The following ZFPM2 variants were observed in gnomAD, a reference collection of about 807,000 sequenced individuals.
ZFPM2 encodes the protein zinc finger protein, FOG family member 2, also known as zinc finger protein ZFPM2.
A neutral mutation model predicts 98.6 loss-of-function variants in ZFPM2; 20 were observed. The observed-to-expected ratio is 0.20, with a 90% CI of 0.14 to 0.29. The LOEUF is 0.29. Ranked by LOEUF, ZFPM2 falls within the 10% of genes least tolerant of loss-of-function variation. The probability of loss-of-function intolerance (pLI) is 1.00; values close to 1 mark genes in which losing one functional copy is unlikely to be tolerated. For missense variants in ZFPM2, 1,310 were observed against 1,388.6 expected (o/e 0.94, Z 0.90); for synonymous variants, 518 against 502.7 (o/e 1.03, Z -0.41).
chr8:105,646,939 A>G (rs944315471), intron 5 of ZFPM2, among the ~76,000 whole-genome samples: 3 of 152,122 alleles, frequency 2.0e-5, no homozygotes, highest in Non-Finnish European at 4.4e-5. Flanking sequence ...TTAAACCTCC[A>G]TCTCCTAACA....
chr8:105,387,700 GCCGGCTCCGGCCTCGGCCAGC>G (rs1811028495), intron 1 of ZFPM2: 2 of 157,146 alleles, frequency 1.3e-5, no homozygotes, highest in Admixed American at 6.5e-5. Flanking sequence ...AGCTGAGGGA[GCCGGCTCCGGCCTCGGCCAGC>G]CCAGGAAGGG....
chr8:105,478,137 T>C (rs1255876178), intron 3 of ZFPM2, among the ~76,000 whole-genome samples: 10 of 152,196 alleles, frequency 6.6e-5, no homozygotes, highest in Admixed American at 6.5e-4. Flanking sequence ...CCATCTTAAA[T>C]GCGGCTGACC....
Position 105,318,909 on chromosome 8 carries a change from G to C in ZFPM2, c.-33G>C, listed in dbSNP as rs1811962983. 2.2e-6 allele frequency: 3 copies of C among 1,356,488 alleles called. No homozygotes were observed. The Admixed American group carries it at 7.8e-5, about 35-fold the overall frequency. 84.0% of individuals were successfully genotyped at this position (1,356,488 alleles called of 1,614,324 possible). On this transcript the variant is annotated 5_prime_UTR_variant, in exon 1 of 8. Transcript: ENST00000407775. ...AGCGGCAGCCGCGACCGCGGGCACC[G>C]CGGGAGCCCCAGCGGCAGCAGCCGC...
chr8:105,792,003 A>G (rs1813628425), intron 6 of ZFPM2, among the ~76,000 whole-genome samples: 1 of 152,030 alleles, frequency 6.6e-6, no homozygotes, highest in South Asian at 2.1e-4. Context: ...TAGTCTTGCT[A>G]GCGGTCTATC....
chr8:105,799,178 C>CTATT, intron 7 of ZFPM2, among the ~76,000 whole-genome samples: 1 of 152,120 alleles, frequency 6.6e-6, no homozygotes, highest in African/African-American at 2.4e-5. Flanking sequence ...CCAAATCATT[C>CTATT]TATTTGTTCT....
At chr8:105,651,699 A>C (rs751360717) in intron 5 of ZFPM2, among the ~76,000 whole-genome samples, 3 of 151,058 alleles carry the variant, frequency 2.0e-5, no homozygotes, top group Non-Finnish European at 2.9e-5. Context: ...CTCAAAGGCA[A>C]CAATTCAATT....
At chr8:105,601,772 G>A (rs915273350) in intron 4 of ZFPM2, among the ~76,000 whole-genome samples, 1 of 152,022 alleles carries the variant, frequency 6.6e-6, no homozygotes, top group African/African-American at 2.4e-5. Flanking sequence ...ATTTCATGGG[G>A]GCACGGGCAT....
intron 5 of ZFPM2, among the ~76,000 whole-genome samples, chr8:105,718,222 T>G (rs1409276150): frequency 1.3e-5 from 2 of 151,936 alleles, no homozygotes; most frequent in African/African-American, 4.8e-5. Flanking sequence ...AGTTGCTCAC[T>G]CTGGCTCTTA....
intron 4 of ZFPM2, among the ~76,000 whole-genome samples, chr8:105,590,133 G>GT (rs1236135343): frequency 1.3e-5 from 2 of 152,074 alleles, no homozygotes; most frequent in African/African-American, 4.8e-5. Flanking sequence ...TTCTGCCTGG[G>GT]TTTTCTAGGC....
At chr8:105,664,360 T>TGTGTGTGTGA (rs549592245) in intron 5 of ZFPM2, among the ~76,000 whole-genome samples, 11 of 144,450 alleles carry the variant, frequency 7.6e-5, no homozygotes, top group African/African-American at 2.8e-4. Flanking sequence ...TGTGTGTGTG[T>TGTGTGTGTGA]GACAGAGTTT....
chr8:105,348,188 C>T (rs1812575471), intron 1 of ZFPM2, among the ~76,000 whole-genome samples: 1 of 152,064 alleles, frequency 6.6e-6, no homozygotes, highest in Admixed American at 6.6e-5. Flanking sequence ...GTAGTAAGGA[C>T]CAAGGAAATG....
chr8:105,395,224 A>C, intron 1 of ZFPM2, among the ~76,000 whole-genome samples: 1 of 152,184 alleles, frequency 6.6e-6, no homozygotes, highest in East Asian at 1.9e-4. Flanking sequence ...CCAATTTTGC[A>C]CTTTCTCTCA....
intron 4 of ZFPM2, among the ~76,000 whole-genome samples, chr8:105,625,092 T>C (rs1816626980): frequency 6.6e-6 from 1 of 152,206 alleles, no homozygotes; most frequent in Non-Finnish European, 1.5e-5. Context: ...GAATCTCCAT[T>C]CATAAATCTA....
intron 1 of ZFPM2, among the ~76,000 whole-genome samples, chr8:105,347,185 C>T (rs914530006): frequency 1.3e-5 from 2 of 150,758 alleles, no homozygotes; most frequent in African/African-American, 4.9e-5. Flanking sequence ...ATTGAAGGCA[C>T]TTTTTATATA....
At chr8:105,753,900 T>A (rs955716676) in intron 5 of ZFPM2, among the ~76,000 whole-genome samples, 1 of 152,286 alleles carries the variant, frequency 6.6e-6, no homozygotes, top group East Asian at 1.9e-4. Context: ...TCAGCAAGTG[T>A]GTGCACTCAG....
chr8:105,715,396 A>AC (rs1478192869), intron 5 of ZFPM2, among the ~76,000 whole-genome samples: 1 of 142,418 alleles, frequency 7.0e-6, no homozygotes, highest in Non-Finnish European at 1.5e-5. Flanking sequence ...ATAGAGTGAG[A>AC]CCCCATCTCT....
intron 5 of ZFPM2, among the ~76,000 whole-genome samples, chr8:105,677,417 C>T (rs1209280550): frequency 2.0e-5 from 3 of 152,106 alleles, no homozygotes; most frequent in African/African-American, 4.8e-5. Context: ...ATGCCACCTC[C>T]AGAGTCCACA....
In ZFPM2 at chr8:105,419,362, A is replaced by G. The variant is rs553479687; in HGVS notation, c.199+60A>G. ...CACTTAAATGATTTTGTAATGTTTTAAAAAAATGCATAATAGTCCTCAGAG... is the reference window on the plus strand; with the variant it reads ...CACTTAAATGATTTTGTAATGTTTTGAAAAAATGCATAATAGTCCTCAGAG... On this transcript the variant is annotated intron_variant, in intron 2 of 7. Coordinates refer to ENST00000407775, the MANE Select transcript of ZFPM2 (RefSeq NM_012082.4). The G allele has an allele frequency of 2.9e-5, 44 of 1,492,432 alleles. No individual in the cohort carries two copies. The Admixed American group carries it at 6.8e-4, about 23-fold the overall frequency. 92.4% of individuals were successfully genotyped at this position (1,492,432 alleles called of 1,614,324 possible).
At position 105,644,494 on chromosome 8, in the gene ZFPM2, G is replaced by GTC. The variant is rs370652025; in HGVS notation, c.532+10147_532+10148dup. Among the ~76,000 whole-genome samples the GTC allele has an allele frequency of 2.0e-4, 31 of 151,236 alleles. No homozygotes were observed. In the South Asian group the frequency reaches 4.4e-3, roughly 22 times the overall value. On this transcript the variant is annotated intron_variant, in intron 5 of 7. Transcript: ENST00000407775. ...CTAACTACCCTGTCTAAAATGCTCTGTCTCTCTCTCTTTCTGTTTTTCTCT... is the reference window on the plus strand; with the variant it reads ...CTAACTACCCTGTCTAAAATGCTCTGTCTCTCTCTCTCTTTCTGTTTTTCTCT...
Sources: allele counts gnomAD v4.1 joint callset (sites outside exome capture counted in the v4.1 genomes callset), GRCh38; gene constraint gnomAD v4.1.1; transcripts MANE v1.5; gene names NCBI Gene and HGNC (gene_info 2026-07-23, HGNC 2026-07-21).